Variants in TSNARE1 observed in about 807,000 individuals in gnomAD.
TSNARE1 encodes the protein t-SNARE domain-containing protein 1.
A neutral mutation model predicts 62.0 loss-of-function variants in TSNARE1; 49 were observed. That is an observed-to-expected ratio of 0.79 (90% CI 0.63 to 1.00). The LOEUF is 1.00. TSNARE1 is among the 50% of genes least tolerant of loss of function. The probability of loss-of-function intolerance (pLI) is 0.00; values close to 1 mark genes in which losing one functional copy is unlikely to be tolerated. For synonymous variants in TSNARE1, 328 were observed against 294.4 expected (o/e 1.11, Z -1.17); for missense variants, 755 against 700.1 (o/e 1.08, Z -0.88).
chr8:142,345,144 C>T (rs1295787695), intron 3 of TSNARE1, among the ~76,000 whole-genome samples: 1 of 152,254 alleles, frequency 6.6e-6, no homozygotes, highest in Non-Finnish European at 1.5e-5. Flanking sequence ...AAAGTCTCTG[C>T]GTCTTTGCTC....
chr8:142,256,726 G>A (rs1045344822), intron 12 of TSNARE1, among the ~76,000 whole-genome samples: 13 of 152,294 alleles, frequency 8.5e-5, no homozygotes, highest in African/African-American at 2.9e-4. Flanking sequence ...GAGGAGCAGA[G>A]ATTAAGCAAT....
intron 6 of TSNARE1, among the ~76,000 whole-genome samples, chr8:142,320,834 T>A (rs1328478051): frequency 6.6e-6 from 1 of 152,164 alleles, no homozygotes; most frequent in Non-Finnish European, 1.5e-5. Context: ...ACCTCTCCAC[T>A]CCTCTAGACT....
intron 1 of TSNARE1, among the ~76,000 whole-genome samples, chr8:142,378,225 G>C (rs1331900323): frequency 6.6e-6 from 1 of 152,220 alleles, no homozygotes; most frequent in South Asian, 2.1e-4. Flanking sequence ...CATCACAAGG[G>C]AGAAGGCGCG....
At chr8:142,246,738 G>A (rs545982985) in intron 12 of TSNARE1, among the ~76,000 whole-genome samples, 4 of 152,300 alleles carry the variant, frequency 2.6e-5, no homozygotes, top group East Asian at 3.9e-4. Context: ...CGGGAGAACC[G>A]TTCAAGGCCG....
At chr8:142,280,091 G>T in intron 11 of TSNARE1, 1 of 1,189,826 alleles carries the variant, frequency 8.4e-7, no homozygotes, top group Non-Finnish European at 1.1e-6. Context: ...CACACGCGGT[G>T]CTTTCGGGCA....
chr8:142,269,639 A>G, intron 12 of TSNARE1: 1 of 985,314 alleles, frequency 1.0e-6, no homozygotes, highest in Non-Finnish European at 1.2e-6. Context: ...CATGGTGGGT[A>G]TTTTTAATGG....
chr8:142,232,482 GAGGGCGGCCGC>G (rs759657370), intron 12 of TSNARE1, among the ~76,000 whole-genome samples: 8 of 152,246 alleles, frequency 5.3e-5, no homozygotes, highest in Non-Finnish European at 7.3e-5. Context: ...CAAATGAGGG[GAGGGCGGCCGC>G]AGGGAGGCAA....
At chr8:142,232,090 C>T (rs554234903) in intron 12 of TSNARE1, among the ~76,000 whole-genome samples, 47 of 152,372 alleles carry the variant, frequency 3.1e-4, no homozygotes, top group African/African-American at 1.0e-3. Context: ...ACTGCCAGAC[C>T]GTGGCCTTGA....
chr8:142,293,630 G>A (rs914731706), intron 10 of TSNARE1, among the ~76,000 whole-genome samples: 4 of 152,344 alleles, frequency 2.6e-5, no homozygotes, highest in Admixed American at 2.6e-4. Context: ...AGGCCTGCAG[G>A]CTTCCCTCCG....
At chr8:142,388,762 T>C (rs573517565) in intron 1 of TSNARE1, among the ~76,000 whole-genome samples, 1 of 152,216 alleles carries the variant, frequency 6.6e-6, no homozygotes, top group East Asian at 1.9e-4. Context: ...TTTGCCATGT[T>C]GGCCAGGCTG....
intron 1 of TSNARE1, among the ~76,000 whole-genome samples, chr8:142,363,952 G>A (rs1835346904): frequency 6.6e-6 from 1 of 152,204 alleles, no homozygotes; most frequent in African/African-American, 2.4e-5. Context: ...ATGAGTGACG[G>A]CAGACAGCAT....
At chr8:142,232,813 G>A (rs1402899052) in intron 12 of TSNARE1, among the ~76,000 whole-genome samples, 16 of 152,260 alleles carry the variant, frequency 1.1e-4, no homozygotes. Flanking sequence ...CAGAGGCAGA[G>A]GCAGGCCTTT....
intron 10 of TSNARE1, among the ~76,000 whole-genome samples, chr8:142,288,827 C>T (rs1174526779): frequency 1.3e-5 from 2 of 152,252 alleles, no homozygotes; most frequent in Admixed American, 6.5e-5. Flanking sequence ...ACAGCCAGCG[C>T]GGGGGACACA....
intron 11 of TSNARE1, among the ~76,000 whole-genome samples, chr8:142,283,894 G>C (rs906688860): frequency 7.0e-6 from 1 of 142,832 alleles, no homozygotes; most frequent in African/African-American, 2.5e-5. Flanking sequence ...TCAATGAACA[G>C]AGGCGGGGCC....
chr8:142,275,233 C>G lies in TSNARE1; in HGVS notation c.1364-370G>C, dbSNP rs1820262021. 5.1e-6 allele frequency: 5 copies of G among 985,318 alleles called. No homozygotes were observed. In the South Asian group the frequency reaches 2.3e-4, roughly 46 times the overall value. 61.0% of individuals were successfully genotyped at this position (985,318 alleles called of 1,614,324 possible). A position where few individuals can be genotyped will look rare whatever the true frequency, so the allele number is the denominator to read the frequency against. ...CAGCCCCTCCACTCTGTGGCCACGG[C>G]CCCCTCTGAAGGGGCAAAGCCCCTG... On this transcript the variant is annotated intron_variant, in intron 11 of 13. Coordinates refer to ENST00000524325, the MANE Select transcript of TSNARE1 (RefSeq NM_145003.5).
chr8:142,343,436 C>T (rs1028805269), intron 4 of TSNARE1, among the ~76,000 whole-genome samples: 1 of 151,856 alleles, frequency 6.6e-6, no homozygotes, highest in South Asian at 2.1e-4. Context: ...ATGCCTGATT[C>T]TCGGTGTGTG....
At chr8:142,238,738 C>T (rs1173457126) in intron 12 of TSNARE1, among the ~76,000 whole-genome samples, 10 of 149,654 alleles carry the variant, frequency 6.7e-5, no homozygotes, top group East Asian at 2.0e-4. Context: ...CGCCCCTGCA[C>T]GCCCGCCCCT....
intron 1 of TSNARE1, among the ~76,000 whole-genome samples, chr8:142,387,243 G>A (rs1837172742): frequency 6.6e-6 from 1 of 152,050 alleles, no homozygotes; most frequent in African/African-American, 2.4e-5. Context: ...CAAAATTGCA[G>A]AACTTCTAAA....
At chr8:142,323,697 C>T (rs572792383) in intron 6 of TSNARE1, among the ~76,000 whole-genome samples, 7 of 152,364 alleles carry the variant, frequency 4.6e-5, no homozygotes, top group African/African-American at 1.7e-4. Context: ...GGAGCTCACA[C>T]TGTCAGAGCC....
Sources: gnomAD v4.1 joint callset for allele counts (sites outside exome capture counted in the v4.1 genomes callset) on GRCh38, gnomAD v4.1.1 for gene constraint, MANE v1.5 for transcripts, NCBI Gene and HGNC (gene_info 2026-07-23, HGNC 2026-07-21) for gene names.